CACNA1C: variants seen among roughly 807,000 people sequenced by gnomAD.
CACNA1C encodes the protein calcium voltage-gated channel subunit alpha1 C.
Under a neutral mutation model 229.0 loss-of-function variants are expected in CACNA1C, and 30 were observed. The ratio of observed to expected loss-of-function variants is 0.13; its 90% confidence interval spans 0.10 to 0.18. CACNA1C has a LOEUF of 0.18. Among genes scored for constraint, CACNA1C ranks in the 10% least tolerant of loss-of-function variants. The pLI, the probability that CACNA1C is intolerant of heterozygous loss-of-function variation, is 1.00. For missense variants in CACNA1C, 1,658 were observed against 2,845.0 expected, an observed-to-expected ratio of 0.58 and a Z score of 9.49; for synonymous variants, 1,114 against 1,132.5, an observed-to-expected ratio of 0.98 and a Z score of 0.33.
chr12:2,263,633 A>G (rs2081207900), intron 3 of CACNA1C, among the ~76,000 whole-genome samples: 1 of 152,098 alleles, frequency 6.6e-6, no homozygotes, highest in Non-Finnish European at 1.5e-5. Context: ...GGAGGTGGAG[A>G]GAAGTTGCTA....
chr12:2,548,475 C>A (rs1382850732), intron 9 of CACNA1C, among the ~76,000 whole-genome samples: 1 of 152,188 alleles, frequency 6.6e-6, no homozygotes, highest in Non-Finnish European at 1.5e-5. Flanking sequence ...GGCATCACAT[C>A]CCTTCTCTGG....
chr12:2,537,860 C>A (rs1383472558), intron 9 of CACNA1C, among the ~76,000 whole-genome samples: 1 of 151,854 alleles, frequency 6.6e-6, no homozygotes, highest in Non-Finnish European at 1.5e-5. Context: ...CTGAGCATGT[C>A]CCAGGCTGCC....
At chr12:2,172,788 A>G (rs1364384647) in intron 3 of CACNA1C, among the ~76,000 whole-genome samples, 1 of 152,234 alleles carries the variant, frequency 6.6e-6, no homozygotes, top group Non-Finnish European at 1.5e-5. Context: ...ATACTGCAAA[A>G]TGCCAAGATT....
chr12:2,438,649 A>G (rs2099182499), intron 3 of CACNA1C, among the ~76,000 whole-genome samples: 1 of 152,038 alleles, frequency 6.6e-6, no homozygotes, highest in Non-Finnish European at 1.5e-5. Flanking sequence ...GGGGAGGGTC[A>G]GACTGTGACA....
At chr12:2,247,482 C>T (rs1243716658) in intron 3 of CACNA1C, among the ~76,000 whole-genome samples, 1 of 152,172 alleles carries the variant, frequency 6.6e-6, no homozygotes, top group Non-Finnish European at 1.5e-5. Context: ...TCGACCATGC[C>T]ATTTTGTGAT....
chr12:2,032,405 CAT>C (rs77919331), intron 1 of CACNA1C, among the ~76,000 whole-genome samples: 4,097 of 152,224 alleles, frequency 0.027, 75 homozygotes, highest in African/African-American at 0.052. Flanking sequence ...GGATGGCACA[CAT>C]AGAGAATGGA....
At chr12:2,438,469 C>T (rs1024507601) in intron 3 of CACNA1C, among the ~76,000 whole-genome samples, 3 of 151,768 alleles carry the variant, frequency 2.0e-5, no homozygotes, top group African/African-American at 7.3e-5. Context: ...TTGAGAAGTC[C>T]AGAGCAGGGT....
chr12:1,977,076 T>G (rs2034619514), intron 1 of CACNA1C, among the ~76,000 whole-genome samples: 1 of 152,180 alleles, frequency 6.6e-6, no homozygotes, highest in Non-Finnish European at 1.5e-5. Flanking sequence ...GGTAATAAAT[T>G]TACACAGAGT....
intron 3 of CACNA1C, among the ~76,000 whole-genome samples, chr12:2,176,825 C>T (rs2096659805): frequency 6.6e-6 from 1 of 152,200 alleles, no homozygotes; most frequent in Non-Finnish European, 1.5e-5. Context: ...ACAATGCTAT[C>T]ACTTGACCCA....
intron 3 of CACNA1C, chr12:2,220,937 G>C (rs117155921): frequency 3.9e-5 from 6 of 152,118 alleles, no homozygotes; most frequent in African/African-American, 1.5e-4. Context: ...ATTATGGTAG[G>C]TGCTATGAAA....
Position 2,632,628 on chromosome 12 carries a change from C to T in CACNA1C, c.3829-1669C>T, listed in dbSNP as rs11062288. ...GTGGTAAAGTCAGGATACTGGTCTTCCCCTTCTGTGCCAGAATCTCTCCTT... is the reference window on the plus strand; with the variant it reads ...GTGGTAAAGTCAGGATACTGGTCTTTCCCTTCTGTGCCAGAATCTCTCCTT... On this transcript the variant is annotated intron_variant, in intron 29 of 46. Transcript: ENST00000399655. The surrounding 1 kb of genome is among the most constrained non-coding windows in gnomAD (Gnocchi z 4.1). Among the ~76,000 whole-genome samples the T allele has an allele frequency of 0.62, 93,737 of 152,134 alleles. 32,057 individuals carry two copies. The highest frequency in any genetic ancestry group is 0.76 in the Non-Finnish European group (51,767 of 68,008).
At chr12:2,052,932 G>C, upstream of CACNA1C, 25 of 967,572 alleles carry the variant, frequency 2.6e-5, no homozygotes, top group Non-Finnish European at 3.1e-5. Flanking sequence ...GGGCGGGCGC[G>C]GGCGCGGCGG....
intron 1 of CACNA1C, among the ~76,000 whole-genome samples, chr12:2,038,400 G>C (rs1388379587): frequency 6.6e-6 from 1 of 152,150 alleles, no homozygotes; most frequent in African/African-American, 2.4e-5. Flanking sequence ...CTATGTAACA[G>C]ACTGGACCCC....
intron 3 of CACNA1C, among the ~76,000 whole-genome samples, chr12:2,277,435 C>G (rs183320045): frequency 5.6e-5 from 8 of 142,536 alleles, no homozygotes; most frequent in African/African-American, 2.1e-4. Context: ...ACACTGAGGG[C>G]TGATAGGGAA....
At chr12:2,673,607 G>C (rs1299193607) in intron 38 of CACNA1C, among the ~76,000 whole-genome samples, 1 of 152,178 alleles carries the variant, frequency 6.6e-6, no homozygotes, top group Non-Finnish European at 1.5e-5. Context: ...CTCTGGGGGA[G>C]ATCATGTTGT....
intron 1 of CACNA1C, among the ~76,000 whole-genome samples, chr12:2,084,376 T>C (rs2066779674): frequency 6.6e-6 from 1 of 152,242 alleles, no homozygotes; most frequent in Admixed American, 6.5e-5. Flanking sequence ...TCCTATAACT[T>C]CTGCTCATCA....
In CACNA1C at chr12:2,488,725, C is replaced by T. The variant is rs577546315; in HGVS notation, c.916+2463C>T. Reference sequence around the variant, plus strand: ...CTCCAGAGAGAAGGGCCCTGCCAGGCTCCATGAGAAGGTGGCCTCACTCAT... The same window carrying T: ...CTCCAGAGAGAAGGGCCCTGCCAGGTTCCATGAGAAGGTGGCCTCACTCAT... On this transcript the variant is annotated intron_variant, in intron 6 of 46. Transcript: ENST00000399655. This position sits in a 1 kb window ranked among gnomAD's most constrained non-coding sequence, Gnocchi z 4.0. Among the ~76,000 whole-genome samples the T allele has an allele frequency of 1.2e-4, 19 of 152,234 alleles. No individual in the cohort carries two copies. Among genetic ancestry groups the T allele is most frequent in the Non-Finnish European group, 2.4e-4 (16 of 68,048 alleles).
At chr12:2,223,836 A>C (rs2062122721) in intron 3 of CACNA1C, among the ~76,000 whole-genome samples, 1 of 152,208 alleles carries the variant, frequency 6.6e-6, no homozygotes, top group Non-Finnish European at 1.5e-5. Flanking sequence ...ATTATTATTT[A>C]AGAGTTTGAA....
chr12:2,540,195 G>A (rs911626325), intron 9 of CACNA1C, among the ~76,000 whole-genome samples: 2 of 152,312 alleles, frequency 1.3e-5, no homozygotes, highest in East Asian at 3.9e-4. Context: ...GGAGCACCAG[G>A]CCTGGGGAGA....
Sources: allele counts gnomAD v4.1 joint callset (sites outside exome capture counted in the v4.1 genomes callset), GRCh38; gene constraint gnomAD v4.1.1; non-coding constraint Gnocchi (gnomAD v3.1); transcripts MANE v1.5; gene names NCBI Gene and HGNC (gene_info 2026-07-23, HGNC 2026-07-21).